SMURF2: variants seen among roughly 807,000 people sequenced by gnomAD.
The protein encoded by SMURF2 is SMAD specific E3 ubiquitin protein ligase 2.
In SMURF2, 48 loss-of-function variants were observed where a neutral mutation model predicts 109.6. The ratio of observed to expected loss-of-function variants is 0.44; its 90% CI spans 0.35 to 0.56. SMURF2 has a LOEUF of 0.56. SMURF2 is among the 20% of genes least tolerant of loss of function. SMURF2 has a pLI of 0.01. For missense variants in SMURF2, 575 were observed against 909.0 expected, an observed-to-expected ratio of 0.63 and a Z score of 4.72; for synonymous variants, 288 against 317.1, an observed-to-expected ratio of 0.91 and a Z score of 0.97.
chr17:64,628,080 A>C (rs1970291144), intron 1 of SMURF2, among the ~76,000 whole-genome samples: 1 of 152,182 alleles, frequency 6.6e-6, no homozygotes, highest in Admixed American at 6.5e-5. Flanking sequence ...AGAACATAGT[A>C]AGCCCTGGTT....
intron 1 of SMURF2, among the ~76,000 whole-genome samples, chr17:64,627,480 A>G (rs1970283770): frequency 6.6e-6 from 1 of 152,196 alleles, no homozygotes; most frequent in Non-Finnish European, 1.5e-5. Context: ...CCTTTAGATG[A>G]GTTGAGAAAC....
At chr17:64,559,555 T>A (rs2144600522) in intron 12 of SMURF2, among the ~76,000 whole-genome samples, 1 of 151,414 alleles carries the variant, frequency 6.6e-6, no homozygotes, top group Admixed American at 6.6e-5. Flanking sequence ...ATTGCGCCAC[T>A]GCACTCCAGC....
chr17:64,651,327 C>A (rs140975883), intron 1 of SMURF2, among the ~76,000 whole-genome samples: 7,617 of 151,998 alleles, frequency 0.05, 314 homozygotes, highest in Admixed American at 0.14. Context: ...TAATCCCACA[C>A]TTTGGGAGGC....
chr17:64,572,068 G>A, intron 9 of SMURF2, 112 bp from the exon 10 acceptor site: 4 of 913,626 alleles, frequency 4.4e-6, no homozygotes, highest in African/African-American at 1.7e-5. Flanking sequence ...TATTGTTTCA[G>A]AAACTTGAGA....
chr17:64,613,743 T>TGTGTGTGTGTGTGTGTGTGG (rs1970082164), intron 1 of SMURF2, among the ~76,000 whole-genome samples: 1 of 92,160 alleles, frequency 1.1e-5, no homozygotes, highest in African/African-American at 4.2e-5. Context: ...TGTGTGTGTG[T>TGTGTGTGTGTGTGTGTGTGG]GGAGGGGGGG....
At position 64,591,090 on chromosome 17, in the gene SMURF2, T is replaced by A. The variant is rs578188136; in HGVS notation, c.394A>T (p.Ile132Leu). ...CTTTAAATTCCACACTTACCTACTA[T>A]CTGTCCTCTAACTGTATCATTGTCA... is the stretch of plus-strand genomic sequence containing the variant. ...PNDNDTVRGQ[I>L]VVSLQSRDRI... The change falls in exon 5 of 19, where the codon ATA becomes TTA. Residue 132 changes from isoleucine (I) to leucine (L), a missense_variant. Ile to Leu is a conservative substitution (Grantham distance 5, BLOSUM62 2). Around this residue, in one of 5 missense-constraint regions of SMURF2, gnomAD observed 151 missense variants for 178.4 expected, o/e 0.85. Coordinates refer to ENST00000262435, the MANE Select transcript of SMURF2 (RefSeq NM_022739.4). The A allele has an allele frequency of 1.8e-5, 29 of 1,612,002 alleles. No individual in the cohort carries two copies. The Middle Eastern group carries it at 8.3e-4, about 46-fold the overall frequency.
intron 1 of SMURF2, among the ~76,000 whole-genome samples, chr17:64,645,315 C>T (rs1370241305): frequency 6.6e-6 from 1 of 152,100 alleles, no homozygotes; most frequent in Non-Finnish European, 1.5e-5. Context: ...ATAGTTTAAA[C>T]GATAATTAAG....
chr17:64,583,649 C>A, intron 6 of SMURF2, 105 bp from the exon 7 acceptor site: 1 of 756,750 alleles, frequency 1.3e-6, no homozygotes, highest in Non-Finnish European at 2.3e-6. Context: ...AATGCCAACC[C>A]GAAGTATCAA....
intron 15 of SMURF2, 77 bp downstream of exon 15, chr17:64,554,779 T>C (rs1163526388): frequency 1.4e-6 from 2 of 1,392,910 alleles, no homozygotes; most frequent in Non-Finnish European, 2.0e-6. Context: ...TAGTACTATC[T>C]AAATATTTAA....
chr17:64,563,678 A>C (rs1482792818), intron 10 of SMURF2, among the ~76,000 whole-genome samples: 1 of 152,218 alleles, frequency 6.6e-6, no homozygotes, highest in Non-Finnish European at 1.5e-5. Flanking sequence ...CACAGGAGAA[A>C]ATTTGTTATG....
intron 1 of SMURF2, among the ~76,000 whole-genome samples, chr17:64,621,340 G>A (rs1970198308): frequency 6.6e-6 from 1 of 152,254 alleles, no homozygotes; most frequent in African/African-American, 2.4e-5. Flanking sequence ...AGCACTTTGG[G>A]AGGCTGAGGT....
chr17:64,570,138 G>A (rs1295116578), intron 10 of SMURF2, among the ~76,000 whole-genome samples: 1 of 152,096 alleles, frequency 6.6e-6, no homozygotes, highest in Non-Finnish European at 1.5e-5. Flanking sequence ...CTAAAAAACT[G>A]GTAGCCAGTT....
chr17:64,566,802 C>T (rs1316224646), intron 10 of SMURF2, among the ~76,000 whole-genome samples: 1 of 150,890 alleles, frequency 6.6e-6, no homozygotes, highest in Non-Finnish European at 1.5e-5. Context: ...AAACTCCTGA[C>T]CTTGTGATCC....
rs116040719 is a variant in SMURF2, at chr17:64,653,711, G to T, written c.52+8118C>A. On this transcript the variant is annotated intron_variant, in intron 1 of 18. Coordinates refer to ENST00000262435, the MANE Select transcript of SMURF2 (RefSeq NM_022739.4). ...AATCCGCCCAGCAGATTTTTAAAAA[G>T]TTAAAATGCATACTTTCTGTATGAT... Among the ~76,000 whole-genome samples the T allele has an allele frequency of 6.3e-3, 961 of 152,236 alleles. 5 individuals are homozygous for T. The highest frequency in any genetic ancestry group is 0.021 in the African/African-American group (888 of 41,526).
chr17:64,653,937 A>T (rs1460749006), intron 1 of SMURF2, among the ~76,000 whole-genome samples: 1 of 152,198 alleles, frequency 6.6e-6, no homozygotes, highest in Non-Finnish European at 1.5e-5. Context: ...GCATGAATGG[A>T]TCTCAAAAGC....
chr17:64,583,612 G>A, intron 6 of SMURF2, 68 bp from the exon 7 acceptor site: 1 of 1,119,736 alleles, frequency 8.9e-7, no homozygotes, highest in Non-Finnish European at 1.4e-6. Context: ...AAGCAAGCCA[G>A]TAAGACATCT....
At position 64,578,580 on chromosome 17, in the gene SMURF2, T is replaced by C. The variant is rs1555686271; in HGVS notation, c.773-4A>G. 1 of 1,599,020 alleles carries C rather than the reference T, an allele frequency of 6.3e-7. No individual in the cohort carries two copies. Among genetic ancestry groups the C allele is most frequent in the Non-Finnish European group, 8.6e-7 (1 of 1,166,476 alleles). On this transcript the variant is annotated splice_polypyrimidine_tract_variant and splice_region_variant and intron_variant, in intron 8 of 18. Coordinates refer to ENST00000262435, the MANE Select transcript of SMURF2 (RefSeq NM_022739.4). ...CCTTGTTGCGTTGTCCTCTGTTCTG[T>C]AAAATTAATAAACACTGATAACAAA... is the stretch of plus-strand genomic sequence containing the variant.
intron 1 of SMURF2, among the ~76,000 whole-genome samples, chr17:64,644,271 GC>G (rs1970528919): frequency 6.6e-6 from 1 of 151,988 alleles, no homozygotes; most frequent in African/African-American, 2.4e-5. Context: ...AAGCCACCGC[GC>G]CCAGCCTCAG....
chr17:64,566,111 C>T (rs1303621746), intron 10 of SMURF2, among the ~76,000 whole-genome samples: 1 of 150,114 alleles, frequency 6.7e-6, no homozygotes, highest in African/African-American at 2.5e-5. Flanking sequence ...AAGAAAAACC[C>T]CCCAATTTAA....
Sources: gnomAD v4.1 joint callset for allele counts (sites outside exome capture counted in the v4.1 genomes callset) on GRCh38, gnomAD v4.1.1 for gene constraint, gnomAD v4.1.1 regional missense constraint, MANE v1.5 for transcripts, NCBI Gene and HGNC (gene_info 2026-07-23, HGNC 2026-07-21) for gene names.